The following ST6GALNAC5 variants were observed in gnomAD, a reference collection of about 807,000 sequenced individuals.
ST6GALNAC5 encodes the protein ST6 N-acetylgalactosaminide alpha-2,6-sialyltransferase 5.
In ST6GALNAC5, 27 loss-of-function variants were observed where a neutral mutation model predicts 33.6. The ratio of observed to expected loss-of-function variants is 0.80; its 90% CI spans 0.59 to 1.11. The LOEUF is 1.11. ST6GALNAC5 is among the 50% of genes least tolerant of loss of function. The pLI, the probability that ST6GALNAC5 is intolerant of heterozygous loss-of-function variation, is 0.00. For synonymous variants in ST6GALNAC5, 194 were observed against 171.2 expected (o/e 1.13, Z -1.04); for missense variants, 428 against 454.0 (o/e 0.94, Z 0.52).
intron 2 of ST6GALNAC5, among the ~76,000 whole-genome samples, chr1:76,895,888 C>T (rs189324434): frequency 1.2e-4 from 18 of 152,270 alleles, no homozygotes; most frequent in Non-Finnish European, 1.8e-4. Flanking sequence ...ATGGGCTGTA[C>T]GCTGTAGCAT....
chr1:76,978,717 A>C (rs1102451), intron 2 of ST6GALNAC5, among the ~76,000 whole-genome samples: 3,883 of 152,318 alleles, frequency 0.025, 170 homozygotes, highest in African/African-American at 0.089. Context: ...GACTTGAAAC[A>C]AGACAAGAAT....
At chr1:76,954,888 G>T (rs1371344346) in intron 2 of ST6GALNAC5, among the ~76,000 whole-genome samples, 1 of 152,040 alleles carries the variant, frequency 6.6e-6, no homozygotes, top group African/African-American at 2.4e-5. Context: ...GTTTCCCTTA[G>T]TGTTAAAATG....
At chr1:77,041,435 C>T (rs542961586) in intron 2 of ST6GALNAC5, among the ~76,000 whole-genome samples, 23 of 152,230 alleles carry the variant, frequency 1.5e-4, no homozygotes, top group Admixed American at 1.4e-3. Flanking sequence ...ATTAGTTTTG[C>T]GCTAACATAA....
At chr1:77,020,876 T>C (rs1245011949) in intron 2 of ST6GALNAC5, among the ~76,000 whole-genome samples, 1 of 152,208 alleles carries the variant, frequency 6.6e-6, no homozygotes, top group South Asian at 2.1e-4. Context: ...GGCTTGCACC[T>C]CAGCAGGAGC....
intron 4 of ST6GALNAC5, among the ~76,000 whole-genome samples, chr1:77,054,564 C>A (rs1421788194): frequency 6.6e-6 from 1 of 152,134 alleles, no homozygotes; most frequent in African/African-American, 2.4e-5. Context: ...AGAATCATCA[C>A]CTTATTATTG....
At chr1:76,955,526 A>G (rs1213410504) in intron 2 of ST6GALNAC5, among the ~76,000 whole-genome samples, 1 of 152,190 alleles carries the variant, frequency 6.6e-6, no homozygotes, top group East Asian at 1.9e-4. Flanking sequence ...AACATAGAGT[A>G]AATTATGAAA....
intron 2 of ST6GALNAC5, among the ~76,000 whole-genome samples, chr1:76,873,752 T>C (rs1653563403): frequency 6.6e-6 from 1 of 152,250 alleles, no homozygotes; most frequent in South Asian, 2.1e-4. Context: ...TTTTTAAATA[T>C]TGCACACATT....
intron 2 of ST6GALNAC5, among the ~76,000 whole-genome samples, chr1:77,027,582 G>A (rs1651294818): frequency 6.6e-6 from 1 of 152,186 alleles, no homozygotes; most frequent in African/African-American, 2.4e-5. Flanking sequence ...GCAGAGTTGA[G>A]AGAAATTGAG....
At chr1:76,997,752 G>C (rs1262744531) in intron 2 of ST6GALNAC5, among the ~76,000 whole-genome samples, 1 of 152,142 alleles carries the variant, frequency 6.6e-6, no homozygotes, top group Non-Finnish European at 1.5e-5. Context: ...TAATCTCAAT[G>C]CTTTGAGAGG....
intron 2 of ST6GALNAC5, among the ~76,000 whole-genome samples, chr1:76,897,698 AG>A (rs1646766088): frequency 1.3e-5 from 2 of 152,212 alleles, no homozygotes; most frequent in South Asian, 4.1e-4. Flanking sequence ...GCTGTAATCC[AG>A]GAATAGTCAG....
intron 2 of ST6GALNAC5, among the ~76,000 whole-genome samples, chr1:76,938,456 G>C (rs771438317): frequency 5.3e-5 from 8 of 152,032 alleles, no homozygotes; most frequent in Non-Finnish European, 1.2e-4. Context: ...GAAGATGAGA[G>C]AGCAAGAGTA....
intron 2 of ST6GALNAC5, chr1:76,869,012 C>G (rs1557703677): frequency 2.4e-6 from 1 of 410,188 alleles, no homozygotes; most frequent in Non-Finnish European, 4.1e-6. Flanking sequence ...AACTAGAACT[C>G]CCTGATCCCC....
chr1:76,888,936 T>G (rs1570641435), intron 2 of ST6GALNAC5, among the ~76,000 whole-genome samples: 1 of 152,208 alleles, frequency 6.6e-6, no homozygotes, highest in East Asian at 1.9e-4. Flanking sequence ...TAAAATCTAC[T>G]CTGTTAGCAA....
intron 2 of ST6GALNAC5, among the ~76,000 whole-genome samples, chr1:76,879,985 T>C (rs931527931): frequency 1.8e-4 from 28 of 152,244 alleles, no homozygotes; most frequent in African/African-American, 6.0e-4. Context: ...TTCAGCTCTT[T>C]CTCTACGGGA....
In ST6GALNAC5 at chr1:77,042,883, G is replaced by T. The variant is rs527551697; in HGVS notation, c.262-1321G>T. On this transcript the variant is annotated intron_variant, in intron 2 of 4. Coordinates refer to ENST00000477717, the MANE Select transcript of ST6GALNAC5 (RefSeq NM_030965.3). ...CTTGTGGAGGTTAGTGTCTTACCAA[G>T]GTCCCACAGCTAGTAGGTGGTGGAA... Among the ~76,000 whole-genome samples the T allele has an allele frequency of 2.6e-5, 4 of 152,230 alleles. No individual in the cohort carries two copies. The East Asian group carries it at 7.7e-4, about 29-fold the overall frequency.
Position 76,895,021 on chromosome 1 carries a change from C to T in ST6GALNAC5, c.261+26279C>T, listed in dbSNP as rs925140962. ...CGGGCAGAGTGGGGGTCACAAGGTG[C>T]TCAGTAGGGGAGCTTTTGAGCCAGG... On this transcript the variant is annotated intron_variant, in intron 2 of 4. Coordinates refer to ENST00000477717, the MANE Select transcript of ST6GALNAC5 (RefSeq NM_030965.3). Among the ~76,000 whole-genome samples the T allele has an allele frequency of 3.9e-5, 6 of 152,086 alleles. No homozygotes were observed. In the South Asian group the frequency reaches 6.2e-4, roughly 16 times the overall value.
rs1005573618 is a variant in ST6GALNAC5, at chr1:77,065,645, C to T, written c.*2439C>T. On this transcript the variant is annotated 3_prime_UTR_variant, in exon 5 of 5. Transcript: ENST00000477717. ...GTGGGCAATTGAATTCTTGTCTTCC[C>T]ACTACCATTTCATGACTGTCGTCTG... 6.6e-5 allele frequency: 10 copies of T among 152,124 alleles called. No individual in the cohort carries two copies. Among genetic ancestry groups the T allele is most frequent in the African/African-American group, 2.4e-4 (10 of 41,422 alleles). 9.4% of individuals were successfully genotyped at this position (152,124 alleles called of 1,614,324 possible).
At chr1:76,976,794 T>C (rs1649029940) in intron 2 of ST6GALNAC5, among the ~76,000 whole-genome samples, 1 of 152,168 alleles carries the variant, frequency 6.6e-6, no homozygotes, top group African/African-American at 2.4e-5. Context: ...CCTTCTCCTG[T>C]TCCTCCTTGA....
Position 77,063,029 on chromosome 1 carries a change from T to C in ST6GALNAC5, c.834T>C (p.Asp278=). 1 of 1,613,986 alleles carries C rather than the reference T, an allele frequency of 6.2e-7. No homozygotes were observed. Among genetic ancestry groups the C allele is most frequent in the Non-Finnish European group, 8.5e-7 (1 of 1,179,914 alleles). The change falls in exon 5 of 5, where the codon GAT becomes GAC. Residue 278 remains aspartate, a synonymous_variant. Coordinates refer to ENST00000477717, the MANE Select transcript of ST6GALNAC5 (RefSeq NM_030965.3). ...PYHYYEPFGP[D]ECTMYLSHER... ...ATTATTATGAACCTTTTGGACCTGA[T>C]GAATGTACAATGTACCTCTCCCATG...
Sources: gnomAD v4.1 joint callset for allele counts (sites outside exome capture counted in the v4.1 genomes callset) on GRCh38, gnomAD v4.1.1 for gene constraint, MANE v1.5 for transcripts, NCBI Gene and HGNC (gene_info 2026-07-23, HGNC 2026-07-21) for gene names.